Variants in CNTNAP5 observed in about 807,000 individuals in gnomAD.
The protein encoded by CNTNAP5 is contactin associated protein family member 5.
Under a neutral mutation model 150.2 loss-of-function variants are expected in CNTNAP5, and 72 were observed. The ratio of observed to expected loss-of-function variants is 0.48; its 90% CI spans 0.40 to 0.58. The LOEUF is 0.58. CNTNAP5 is among the 20% of genes least tolerant of loss of function. The probability of loss-of-function intolerance (pLI) is 0.00; values close to 1 mark genes in which losing one functional copy is unlikely to be tolerated. For synonymous variants in CNTNAP5, 672 were observed against 619.8 expected, an observed-to-expected ratio of 1.08 and a Z score of -1.25; for missense variants, 1,636 against 1,626.2, an observed-to-expected ratio of 1.01 and a Z score of -0.10.
At chr2:124,853,128 G>C (rs1683190067) in intron 19 of CNTNAP5, among the ~76,000 whole-genome samples, 1 of 152,240 alleles carries the variant, frequency 6.6e-6, no homozygotes, top group African/African-American at 2.4e-5. Flanking sequence ...CAATGCCGTA[G>C]TAAAGGGAGA....
At chr2:124,262,893 T>C (rs1214240377) in intron 3 of CNTNAP5, among the ~76,000 whole-genome samples, 1 of 147,650 alleles carries the variant, frequency 6.8e-6, no homozygotes, top group African/African-American at 2.5e-5. Flanking sequence ...AGTGAGCACA[T>C]GTGGTGTTTG....
At chr2:124,447,865 A>G (rs1348929386) in intron 6 of CNTNAP5, among the ~76,000 whole-genome samples, 1 of 152,154 alleles carries the variant, frequency 6.6e-6, no homozygotes, top group Non-Finnish European at 1.5e-5. Context: ...ATGGAATTCA[A>G]AAGAATAGGC....
At chr2:124,297,539 T>G (rs374951497) in intron 3 of CNTNAP5, among the ~76,000 whole-genome samples, 52 of 152,274 alleles carry the variant, frequency 3.4e-4, no homozygotes, top group South Asian at 1.7e-3. Context: ...CCCACATTTC[T>G]GCAATCTTCC....
chr2:124,194,422 G>A (rs1173144024), intron 1 of CNTNAP5, among the ~76,000 whole-genome samples: 2 of 128,394 alleles, frequency 1.6e-5, no homozygotes, highest in African/African-American at 6.0e-5. Flanking sequence ...AATATAAATA[G>A]GTGTGCTGTA....
chr2:124,038,770 T>G (rs1681289264), intron 1 of CNTNAP5, among the ~76,000 whole-genome samples: 1 of 152,226 alleles, frequency 6.6e-6, no homozygotes, highest in African/African-American at 2.4e-5. Context: ...GTGTGAAGAC[T>G]TCTGCCTTAT....
chr2:124,886,300 C>G (rs909141719), intron 21 of CNTNAP5, among the ~76,000 whole-genome samples: 1 of 152,038 alleles, frequency 6.6e-6, no homozygotes, highest in Non-Finnish European at 1.5e-5. Flanking sequence ...TTGTTAACAA[C>G]TAGACTTGGG....
chr2:124,165,276 T>A (rs1158108273), intron 1 of CNTNAP5, among the ~76,000 whole-genome samples: 1 of 152,118 alleles, frequency 6.6e-6, no homozygotes, highest in Non-Finnish European at 1.5e-5. Flanking sequence ...AGTAGGTAAA[T>A]CTCAGAGGTC....
At position 124,911,482 on chromosome 2, in the gene CNTNAP5, C is replaced by G. The variant is rs762411591; in HGVS notation, c.3671C>G (p.Thr1224Arg). ...VHSSSDPFGK[T>R]DEREPLTNAV... ...CTCCTTTCAGATCCTTTTGGGAAGA[C>G]AGATGAGCGGGAACCACTCACAAAT... Residue 1224 changes from threonine (T) to arginine (R), a missense_variant, in exon 23 of 24, where the codon ACA becomes AGA. Physicochemically the swap from Thr to Arg is moderately conservative, Grantham distance 71. Transcript: ENST00000682447. The G allele has an allele frequency of 2.5e-6, 4 of 1,599,750 alleles. No homozygotes were observed. Among genetic ancestry groups the G allele is most frequent in the East Asian group, 2.3e-5 (1 of 44,318 alleles).
At chr2:124,324,799 G>C (rs952723307) in intron 3 of CNTNAP5, among the ~76,000 whole-genome samples, 7 of 152,146 alleles carry the variant, frequency 4.6e-5, no homozygotes, top group Non-Finnish European at 7.4e-5. Flanking sequence ...GAGGAAGTTA[G>C]CTTTTCGACA....
intron 1 of CNTNAP5, among the ~76,000 whole-genome samples, chr2:124,168,488 A>G (rs748097541): frequency 6.6e-5 from 10 of 152,198 alleles, no homozygotes; most frequent in Non-Finnish European, 1.5e-4. Context: ...CATCTTGTAA[A>G]CATTCAGATG....
intron 11 of CNTNAP5, among the ~76,000 whole-genome samples, chr2:124,575,919 G>A (rs1011697917): frequency 3.3e-5 from 5 of 152,158 alleles, no homozygotes; most frequent in East Asian, 1.9e-4. Flanking sequence ...CACAACCTCC[G>A]TTAGGCTTTC....
At chr2:124,068,588 C>T (rs954120596) in intron 1 of CNTNAP5, among the ~76,000 whole-genome samples, 1 of 152,056 alleles carries the variant, frequency 6.6e-6, no homozygotes, top group African/African-American at 2.4e-5. Flanking sequence ...AGCCAATGGA[C>T]TGGGGTGGTG....
At chr2:124,471,532 T>C (rs1372190695) in intron 6 of CNTNAP5, among the ~76,000 whole-genome samples, 2 of 152,200 alleles carry the variant, frequency 1.3e-5, no homozygotes, top group African/African-American at 4.8e-5. Flanking sequence ...TGACTTCCTT[T>C]CTTCCTACCT....
At chr2:124,111,137 C>A (rs1288620233) in intron 1 of CNTNAP5, among the ~76,000 whole-genome samples, 2 of 152,066 alleles carry the variant, frequency 1.3e-5, no homozygotes, top group Non-Finnish European at 2.9e-5. Context: ...TATTATCTGG[C>A]TGGAAGACAA....
chr2:124,436,764 A>G (rs1692541333), intron 5 of CNTNAP5, among the ~76,000 whole-genome samples: 1 of 152,188 alleles, frequency 6.6e-6, no homozygotes, highest in Admixed American at 6.5e-5. Context: ...GTGATTAAGT[A>G]AAACCTTACT....
intron 10 of CNTNAP5, among the ~76,000 whole-genome samples, chr2:124,529,902 G>A (rs1695064735): frequency 6.6e-6 from 1 of 152,144 alleles, no homozygotes; most frequent in Non-Finnish European, 1.5e-5. Context: ...CTCTCTCAAA[G>A]TGAAGTGGGA....
At chr2:124,779,406 G>A (rs796204964) in intron 17 of CNTNAP5, among the ~76,000 whole-genome samples, 13 of 152,196 alleles carry the variant, frequency 8.5e-5, no homozygotes, top group African/African-American at 2.9e-4. Context: ...TGGTTTCCAA[G>A]GTTTCCCCTA....
chr2:124,470,244 C>G (rs752072217), intron 6 of CNTNAP5, among the ~76,000 whole-genome samples: 1 of 152,108 alleles, frequency 6.6e-6, no homozygotes, highest in Non-Finnish European at 1.5e-5. Flanking sequence ...CTGTTGTTGA[C>G]TTTTTAATGA....
chr2:124,769,842 T>C (rs1043047661), intron 16 of CNTNAP5, among the ~76,000 whole-genome samples: 2 of 152,136 alleles, frequency 1.3e-5, no homozygotes, highest in African/African-American at 4.8e-5. Flanking sequence ...AGGTACAGCT[T>C]ACTACCTGTA....
Sources: allele counts gnomAD v4.1 joint callset (sites outside exome capture counted in the v4.1 genomes callset), GRCh38; gene constraint gnomAD v4.1.1; transcripts MANE v1.5; gene names NCBI Gene and HGNC (gene_info 2026-07-23, HGNC 2026-07-21).